The following PRDM2 variants were observed in gnomAD, a reference collection of about 807,000 sequenced individuals.
PRDM2 encodes the protein PR/SET domain 2.
In PRDM2, 30 loss-of-function variants were observed where a neutral mutation model predicts 130.0. The observed-to-expected ratio is 0.23, with a 90% CI of 0.17 to 0.31. The LOEUF is 0.31. Among genes scored for constraint, PRDM2 ranks in the 10% least tolerant of loss-of-function variants. The pLI, the probability that PRDM2 is intolerant of heterozygous loss-of-function variation, is 1.00. For synonymous variants in PRDM2, 871 were observed against 782.4 expected (o/e 1.11, Z -1.89); for missense variants, 2,011 against 2,108.4 (o/e 0.95, Z 0.90).
At chr1:13,778,170 T>C (rs1464833537) in intron 7 of PRDM2, among the ~76,000 whole-genome samples, 2 of 152,228 alleles carry the variant, frequency 1.3e-5, no homozygotes, top group Non-Finnish European at 2.9e-5. Context: ...TGCGCTCGTG[T>C]GTGTCCTCAC....
rs146746755 is a variant in PRDM2, at chr1:13,793,982, G to C, written c.5036+11151G>C. 3.8e-3 allele frequency among the ~76,000 whole-genome samples: 580 copies of C among 152,302 alleles called. 1 individual carries two copies. Among genetic ancestry groups the C allele is most frequent in the African/African-American group, 0.013 (561 of 41,560 alleles). ...ATCCCTGGAGCCTTTCTCAGTCTGA[G>C]ACCAGGGCCCCTCATGGGAGCAATG... On this transcript the variant is annotated intron_variant, in intron 8 of 9. Transcript: ENST00000311066.
At chr1:13,784,342 T>G (rs1213957284) in intron 8 of PRDM2, among the ~76,000 whole-genome samples, 2 of 152,218 alleles carry the variant, frequency 1.3e-5, no homozygotes, top group East Asian at 3.8e-4. Context: ...TTCAAGTTGC[T>G]TGTGTCTTCA....
intron 8 of PRDM2, among the ~76,000 whole-genome samples, chr1:13,815,062 A>G (rs1645234884): frequency 6.6e-6 from 1 of 152,180 alleles, no homozygotes; most frequent in Non-Finnish European, 1.5e-5. Flanking sequence ...CTGGACATGC[A>G]GTGAGCCTGT....
At chr1:13,735,999 A>T (rs1569800772) in intron 4 of PRDM2, among the ~76,000 whole-genome samples, 1 of 151,980 alleles carries the variant, frequency 6.6e-6, no homozygotes, top group East Asian at 1.9e-4. Context: ...ATATGTAGAA[A>T]TTGATTCAAT....
At chr1:13,745,154 G>A (rs570886818) in intron 5 of PRDM2, among the ~76,000 whole-genome samples, 3 of 152,318 alleles carry the variant, frequency 2.0e-5, no homozygotes, top group East Asian at 1.9e-4. Context: ...AGGATGTTTC[G>A]TGTTATAGGG....
At position 13,818,576 on chromosome 1, in the gene PRDM2, G is replaced by A. The variant is rs566017306; in HGVS notation, c.*23+2006G>A. Reference sequence around the variant, plus strand: ...TTTTTTTTTGTATTTTAGTAGAGACGGGGTTTCACCATGTTGGCCAGGATG... The same window carrying A: ...TTTTTTTTTGTATTTTAGTAGAGACAGGGTTTCACCATGTTGGCCAGGATG... On this transcript the variant is annotated intron_variant, in intron 9 of 9. Transcript: ENST00000311066. Among the ~76,000 whole-genome samples the A allele has an allele frequency of 9.7e-4, 145 of 150,180 alleles. 4 individuals are homozygous for A. The South Asian group carries it at 0.03, about 31-fold the overall frequency.
At chr1:13,793,562 TA>T (rs1316937286) in intron 8 of PRDM2, among the ~76,000 whole-genome samples, 1 of 152,198 alleles carries the variant, frequency 6.6e-6, no homozygotes, top group Non-Finnish European at 1.5e-5. Flanking sequence ...CTGAGAAACA[TA>T]AGTTTCTATT....
At chr1:13,815,091 G>A (rs1645235559) in intron 8 of PRDM2, among the ~76,000 whole-genome samples, 1 of 152,142 alleles carries the variant, frequency 6.6e-6, no homozygotes, top group South Asian at 2.1e-4. Context: ...CTCTTACTCA[G>A]TGGATGTTTG....
Position 13,780,867 on chromosome 1 carries a change from C to G in PRDM2, c.3072C>G (p.Ser1024=), listed in dbSNP as rs201159684. The part of the protein sequence containing the change: ...ATAQSPLPIL[S]PTVSPSPSPI... ...CACAGTCCCCACTTCCAATTCTGTCCCCAACAGTGTCCCCCTCTCCCTCTC... is the reference window on the plus strand; with the variant it reads ...CACAGTCCCCACTTCCAATTCTGTCGCCAACAGTGTCCCCCTCTCCCTCTC... Residue 1024 remains serine, a synonymous_variant, in exon 8 of 10, where the codon TCC becomes TCG. Coordinates refer to ENST00000311066, the MANE Select transcript of PRDM2 (RefSeq NM_001393986.1). 1.2e-6 allele frequency: 2 copies of G among 1,611,930 alleles called. No individual in the cohort carries two copies. Among genetic ancestry groups the G allele is most frequent in the African/African-American group, 2.7e-5 (2 of 74,684 alleles).
chr1:13,811,080 A>C (rs2473234), intron 8 of PRDM2, among the ~76,000 whole-genome samples: 133,330 of 151,822 alleles, frequency 0.88, 58,762 homozygotes, highest in African/African-American at 0.95. Flanking sequence ...GGTACTCAGG[A>C]GGCTGAGGCG....
intron 6 of PRDM2, among the ~76,000 whole-genome samples, chr1:13,763,818 C>G (rs1030259298): frequency 2.0e-5 from 3 of 152,140 alleles, no homozygotes; most frequent in East Asian, 1.9e-4. Context: ...TATCAATACT[C>G]TCTCACTGGG....
In PRDM2 at chr1:13,778,828, A is replaced by G. The variant is rs956140220; in HGVS notation, c.1033A>G (p.Arg345Gly). The G allele has an allele frequency of 6.2e-7, 1 of 1,614,220 alleles. No homozygotes were observed. Residue 345 changes from arginine to glycine, a missense_variant, in exon 8 of 10, where the codon AGA becomes GGA. Physicochemically the swap from Arg to Gly is moderately radical, Grantham distance 125 (BLOSUM62 -2). This residue lies in a region of PRDM2 where 1,288 missense variants were observed against 1,237.7 expected (regional missense o/e 1.04). Transcript: ENST00000311066. Reference sequence around the variant, plus strand: ...GGTAACACCTGCCATGCAAATCCCCAGAACTAAAGAAGAGGCCAATGGTGA... The same window carrying G: ...GGTAACACCTGCCATGCAAATCCCCGGAACTAAAGAAGAGGCCAATGGTGA... ...SEVTPAMQIP[R>G]TKEEANGDVF...
intron 2 of PRDM2, among the ~76,000 whole-genome samples, chr1:13,726,178 T>G (rs1305486450): frequency 6.6e-6 from 1 of 152,230 alleles, no homozygotes; most frequent in African/African-American, 2.4e-5. Flanking sequence ...CCATCTGTGT[T>G]AGTTGTGATT....
At chr1:13,735,146 C>T (rs1356861006) in intron 4 of PRDM2, among the ~76,000 whole-genome samples, 1 of 152,220 alleles carries the variant, frequency 6.6e-6, no homozygotes, top group Non-Finnish European at 1.5e-5. Context: ...TAATCTAAGA[C>T]AAAGTGTTAA....
chr1:13,759,706 A>G (rs1028257847), intron 6 of PRDM2, among the ~76,000 whole-genome samples: 5 of 152,232 alleles, frequency 3.3e-5, no homozygotes, highest in African/African-American at 9.6e-5. Flanking sequence ...GGGCAGCACC[A>G]TGATGATAAT....
chr1:13,761,083 A>T (rs1189954003), intron 6 of PRDM2, among the ~76,000 whole-genome samples: 1 of 152,250 alleles, frequency 6.6e-6, no homozygotes, highest in Non-Finnish European at 1.5e-5. Context: ...CTGTTAACCA[A>T]ACGAGGACAC....
At chr1:13,778,202 C>T (rs1434336753) in intron 7 of PRDM2, among the ~76,000 whole-genome samples, 3 of 152,160 alleles carry the variant, frequency 2.0e-5, no homozygotes, top group Non-Finnish European at 4.4e-5. Context: ...TTGCCTGGTA[C>T]GTGGCTGGTA....
intron 8 of PRDM2, among the ~76,000 whole-genome samples, chr1:13,814,317 G>A (rs150065248): frequency 1.3e-5 from 2 of 152,322 alleles, no homozygotes; most frequent in East Asian, 3.9e-4. Context: ...TGAGCTGACC[G>A]TGGGCCTTGG....
chr1:13,787,333 GC>G (rs1264986834), intron 8 of PRDM2: 23 of 984,786 alleles, frequency 2.3e-5, no homozygotes, highest in Non-Finnish European at 2.8e-5. Context: ...TTTTACACTT[GC>G]ATCTCTAATA....
Sources: allele counts gnomAD v4.1 joint callset (sites outside exome capture counted in the v4.1 genomes callset), GRCh38; gene constraint gnomAD v4.1.1; regional missense constraint gnomAD v4.1.1; transcripts MANE v1.5; gene names NCBI Gene and HGNC (gene_info 2026-07-23, HGNC 2026-07-21).